The following ERO1A variants were observed in gnomAD, a reference collection of about 807,000 sequenced individuals.
ERO1A encodes endoplasmic reticulum oxidoreductase 1 alpha.
ERO1A carries 49 observed loss-of-function variants against 76.9 expected under a neutral mutation model. The ratio of observed to expected loss-of-function variants is 0.64; its 90% confidence interval spans 0.51 to 0.81. ERO1A has a LOEUF of 0.81. Among genes scored for constraint, ERO1A ranks in the 30% least tolerant of loss-of-function variants. ERO1A has a pLI of 0.00. For synonymous variants in ERO1A, 174 were observed against 181.2 expected, an observed-to-expected ratio of 0.96 and a Z score of 0.32; for missense variants, 448 against 542.1, an observed-to-expected ratio of 0.83 and a Z score of 1.72.
intron 4 of ERO1A, among the ~76,000 whole-genome samples, chr14:52,673,092 A>ATTTTTTT (rs112622704): frequency 6.8e-6 from 1 of 147,248 alleles, no homozygotes. Flanking sequence ...TGTTATAATG[A>ATTTTTTT]TTTTTTTTTT....
chr14:52,676,928 T>C (rs1161177916), intron 4 of ERO1A, among the ~76,000 whole-genome samples: 1 of 150,034 alleles, frequency 6.7e-6, no homozygotes, highest in Non-Finnish European at 1.5e-5. Context: ...CCTATTTTAA[T>C]GCAACTGTTA....
At chr14:52,680,078 C>CAAAAAAA (rs2040938000) in intron 3 of ERO1A, among the ~76,000 whole-genome samples, 2 of 13,682 alleles carry the variant, frequency 1.5e-4, no homozygotes, top group African/African-American at 2.8e-4. Context: ...GCAAAAAACA[C>CAAAAAAA]AAACAAAAAA....
At chr14:52,669,675 T>G (rs1223703629) in intron 6 of ERO1A, among the ~76,000 whole-genome samples, 1 of 152,074 alleles carries the variant, frequency 6.6e-6, no homozygotes, top group African/African-American at 2.4e-5. Context: ...AAACATATAC[T>G]CACACTAAAT....
Position 52,653,265 on chromosome 14 carries a change from G to A in ERO1A, c.859C>T (p.Arg287Ter), listed in dbSNP as rs774016389. 6.2e-6 allele frequency: 10 copies of A among 1,611,912 alleles called. No individual in the cohort carries two copies. Among genetic ancestry groups the A allele is most frequent in the South Asian group, 5.5e-5 (5 of 90,846 alleles). Residue 287 changes from arginine to a stop codon, truncating the protein, a stop_gained, in exon 12 of 16, where the codon CGA (arginine) becomes TGA (stop). Transcript: ENST00000395686. LOFTEE classifies it high-confidence loss of function. Reference sequence around the variant, plus strand: ...CCTTCAGTCAAAATTCCATCAAATCGCTGTTGAAATTCTGTAATGTTGTGT... The same window carrying A: ...CCTTCAGTCAAAATTCCATCAAATCACTGTTGAAATTCTGTAATGTTGTGT... ...WGHNITEFQQ[R>*]FDGILTEGEG... is the part of the protein sequence containing the mutation.
At chr14:52,679,312 A>G (rs768726451) in intron 3 of ERO1A, among the ~76,000 whole-genome samples, 1 of 152,190 alleles carries the variant, frequency 6.6e-6, no homozygotes, top group Non-Finnish European at 1.5e-5. Flanking sequence ...CAATACTGCC[A>G]GTTAACATTC....
chr14:52,645,045 T>G (rs920409439), intron 15 of ERO1A, among the ~76,000 whole-genome samples: 1 of 152,182 alleles, frequency 6.6e-6, no homozygotes, highest in African/African-American at 2.4e-5. Flanking sequence ...AAGTTCCTTA[T>G]TTCATGCTTT....
chr14:52,669,685 T>C (rs945868503), intron 6 of ERO1A, among the ~76,000 whole-genome samples: 1 of 151,888 alleles, frequency 6.6e-6, no homozygotes, highest in South Asian at 2.1e-4. Context: ...TCACACTAAA[T>C]GAGCCTCTGC....
chr14:52,643,644 A>G lies in ERO1A; in HGVS notation c.1347-14T>C, dbSNP rs777486047. 21 of 1,380,398 alleles carry G rather than the reference A, an allele frequency of 1.5e-5. No individual in the cohort carries two copies. In the South Asian group the frequency reaches 2.5e-4, roughly 16 times the overall value. The allele number at this position is 1,380,398 out of a possible 1,614,324, so 85.5% of individuals were successfully genotyped here. ...CTTGTAGAAATTCTGTAACCAAAAAATATTTCACTCAGAAACCATCTTAGA... is the reference window on the plus strand; with the variant it reads ...CTTGTAGAAATTCTGTAACCAAAAAGTATTTCACTCAGAAACCATCTTAGA... On this transcript the variant is annotated splice_polypyrimidine_tract_variant and intron_variant, in intron 15 of 15. Transcript: ENST00000395686.
Position 52,667,599 on chromosome 14 carries a change from G to A in ERO1A, c.509-1104C>T, listed in dbSNP as rs142864367. Among the ~76,000 whole-genome samples the A allele has an allele frequency of 3.8e-3, 576 of 152,136 alleles. 5 individuals carry two copies. Among genetic ancestry groups the A allele is most frequent in the African/African-American group, 0.013 (544 of 41,506 alleles). ...TAGCCAGGCATCATGGCACGTGCCT[G>A]TGGTCCCAGCTACCCAGGAGGCTGA... On this transcript the variant is annotated intron_variant, in intron 6 of 15. Coordinates refer to ENST00000395686, the MANE Select transcript of ERO1A (RefSeq NM_014584.3).
chr14:52,646,774 G>A, intron 13 of ERO1A: 1 of 226,362 alleles, frequency 4.4e-6, no homozygotes, highest in Non-Finnish European at 8.6e-6. Flanking sequence ...AACCAGGCCT[G>A]TCTGACTCCA....
At chr14:52,679,233 G>T (rs969568829) in intron 3 of ERO1A, among the ~76,000 whole-genome samples, 1 of 152,020 alleles carries the variant, frequency 6.6e-6, no homozygotes, top group Non-Finnish European at 1.5e-5. Context: ...AATGCAAAAT[G>T]GACTAACACA....
rs2039482066 is a variant in ERO1A at position 52,641,712 on chromosome 14, TAG to T, written c.*1856_*1857del. Reference sequence around the variant, plus strand: ...ACCCACACTGTATTTATATTTTATATAGAGTGATCACTTCATAGTCTTTTGAG... The same window carrying T: ...ACCCACACTGTATTTATATTTTATATAGTGATCACTTCATAGTCTTTTGAG... On this transcript the variant is annotated 3_prime_UTR_variant, in exon 16 of 16. Transcript: ENST00000395686. 6.6e-6 allele frequency: 1 copy of T among 152,142 alleles called. No homozygotes were observed. Among genetic ancestry groups the T allele is most frequent in the Non-Finnish European group, 1.5e-5 (1 of 68,038 alleles). 9.4% of individuals were successfully genotyped at this position (152,142 alleles called of 1,614,324 possible). A position where few individuals can be genotyped will look rare whatever the true frequency, so the allele number is the denominator to read the frequency against.
At chr14:52,680,980 T>G (rs891848371) in intron 3 of ERO1A, among the ~76,000 whole-genome samples, 6 of 152,030 alleles carry the variant, frequency 3.9e-5, no homozygotes, top group African/African-American at 1.4e-4. Flanking sequence ...TCCAAAAGAA[T>G]AGAAAGTAAA....
At chr14:52,674,224 T>C (rs1307627792) in intron 4 of ERO1A, among the ~76,000 whole-genome samples, 1 of 152,160 alleles carries the variant, frequency 6.6e-6, no homozygotes, top group Admixed American at 6.5e-5. Context: ...AACAATTTTT[T>C]TTTCTCTGTC....
chr14:52,694,874 A>G (rs1001942291), intron 1 of ERO1A, among the ~76,000 whole-genome samples: 3 of 152,146 alleles, frequency 2.0e-5, no homozygotes, highest in Non-Finnish European at 2.9e-5. Context: ...GGGCTTACAC[A>G]CAGAAAAACC....
intron 7 of ERO1A, among the ~76,000 whole-genome samples, chr14:52,664,575 G>C (rs1485036866): frequency 6.6e-6 from 1 of 152,152 alleles, no homozygotes; most frequent in East Asian, 1.9e-4. Context: ...TTTATACATT[G>C]TTTATATTGT....
intron 1 of ERO1A, among the ~76,000 whole-genome samples, chr14:52,692,126 T>C (rs548698621): frequency 3.4e-4 from 52 of 152,346 alleles, no homozygotes; most frequent in African/African-American, 1.2e-3. Flanking sequence ...TATACTCCTG[T>C]TGGCATAGTG....
intron 3 of ERO1A, among the ~76,000 whole-genome samples, chr14:52,679,679 T>C (rs1350451301): frequency 6.6e-6 from 1 of 152,098 alleles, no homozygotes; most frequent in Non-Finnish European, 1.5e-5. Context: ...ATTATAGGCA[T>C]AAGCCACCAT....
rs551146362 is a variant in ERO1A at position 52,646,563 on chromosome 14, T to C, written c.1126-102A>G. ...GTGCCTAACACTGTGCAAGGTACTA[T>C]GGGGTACCAAAAATGAGAACAGCAC... On this transcript the variant is annotated intron_variant, in intron 13 of 15. Coordinates refer to ENST00000395686, the MANE Select transcript of ERO1A (RefSeq NM_014584.3). 1.4e-5 allele frequency: 11 copies of C among 793,934 alleles called. No homozygotes were observed. The African/African-American group carries it at 1.9e-4, about 14-fold the overall frequency. 49.2% of individuals were successfully genotyped at this position (793,934 alleles called of 1,614,324 possible). A position where few individuals can be genotyped will look rare whatever the true frequency, so the allele number is the denominator to read the frequency against.
Sources: allele counts gnomAD v4.1 joint callset (sites outside exome capture counted in the v4.1 genomes callset), GRCh38; gene constraint gnomAD v4.1.1; transcripts MANE v1.5; gene names NCBI Gene and HGNC (gene_info 2026-07-23, HGNC 2026-07-21).